Variants in SEL1L2 observed in about 807,000 individuals in gnomAD.
SEL1L2 encodes the protein protein sel-1 homolog 2.
In SEL1L2, 89 loss-of-function variants were observed where a neutral mutation model predicts 98.8. That is an observed-to-expected ratio of 0.90 (90% confidence interval 0.76 to 1.07). The LOEUF (loss-of-function observed/expected upper bound fraction) is 1.07, where lower values mean the gene tolerates loss of function less well. Among genes scored for constraint, SEL1L2 ranks in the 50% least tolerant of loss-of-function variants. The pLI, the probability that SEL1L2 is intolerant of heterozygous loss-of-function variation, is 0.00. For synonymous variants in SEL1L2, 262 were observed against 278.5 expected (o/e 0.94, Z 0.59); for missense variants, 788 against 812.0 (o/e 0.97, Z 0.36).
chr20:13,858,533 T>A (rs1312613385), intron 18 of SEL1L2, among the ~76,000 whole-genome samples: 1 of 152,158 alleles, frequency 6.6e-6, no homozygotes, highest in Non-Finnish European at 1.5e-5. Context: ...AGTGGTTGTG[T>A]GATGTAAATG....
At chr20:13,949,367 T>C (rs561707328) in intron 2 of SEL1L2, among the ~76,000 whole-genome samples, 2 of 152,140 alleles carry the variant, frequency 1.3e-5, no homozygotes, top group East Asian at 3.9e-4. Context: ...ATGGCTACTA[T>C]AAAAACAAAA....
intron 2 of SEL1L2, among the ~76,000 whole-genome samples, chr20:13,941,142 A>G (rs1229644326): frequency 1.3e-5 from 2 of 152,160 alleles, no homozygotes; most frequent in African/African-American, 4.8e-5. Context: ...GCCTTGAGAA[A>G]ACAGGACCTT....
intron 14 of SEL1L2, among the ~76,000 whole-genome samples, chr20:13,868,758 C>T (rs2046043042): frequency 6.6e-6 from 1 of 152,188 alleles, no homozygotes; most frequent in South Asian, 2.1e-4. Flanking sequence ...CAGGCAGCCG[C>T]CACCATGCCA....
intron 18 of SEL1L2, among the ~76,000 whole-genome samples, chr20:13,852,692 GTTT>G (rs1333117295): frequency 1.3e-5 from 2 of 152,168 alleles, no homozygotes; most frequent in Non-Finnish European, 2.9e-5. Flanking sequence ...AAAAGAACAT[GTTT>G]TTAACTAAAA....
intron 2 of SEL1L2, among the ~76,000 whole-genome samples, chr20:13,936,393 T>G (rs563383758): frequency 1.3e-5 from 2 of 152,308 alleles, no homozygotes; most frequent in Admixed American, 1.3e-4. Context: ...GATGTAGGCA[T>G]AGTTCAATGA....
chr20:13,978,132 C>T (rs1019580679), intron 1 of SEL1L2, among the ~76,000 whole-genome samples: 1 of 152,138 alleles, frequency 6.6e-6, no homozygotes, highest in Admixed American at 6.6e-5. Context: ...CTCAAAACAG[C>T]ATGATACGGG....
intron 2 of SEL1L2, among the ~76,000 whole-genome samples, chr20:13,949,702 C>CAAA (rs1399140632): frequency 8.0e-6 from 1 of 124,492 alleles, no homozygotes; most frequent in Non-Finnish European, 1.7e-5. Flanking sequence ...AAAAACCAAA[C>CAAA]AAACAAAAAA....
At chr20:13,898,432 C>T (rs141290478) in intron 5 of SEL1L2, among the ~76,000 whole-genome samples, 24 of 152,256 alleles carry the variant, frequency 1.6e-4, no homozygotes, top group African/African-American at 2.4e-4. Flanking sequence ...AGTGAGTCTC[C>T]GGCTCTCTTT....
chr20:13,873,024 T>A (rs1279230535), intron 12 of SEL1L2, among the ~76,000 whole-genome samples: 2 of 151,232 alleles, frequency 1.3e-5, no homozygotes, highest in African/African-American at 4.9e-5. Flanking sequence ...AGACTCTTGC[T>A]CTATCACCCA....
At chr20:13,957,597 C>G (rs1348599814) in intron 1 of SEL1L2, among the ~76,000 whole-genome samples, 1 of 152,168 alleles carries the variant, frequency 6.6e-6, no homozygotes, top group South Asian at 2.1e-4. Context: ...AAAAATTAGG[C>G]TGGGTATGGC....
chr20:13,932,589 G>T (rs2049201378), intron 2 of SEL1L2, among the ~76,000 whole-genome samples: 1 of 151,906 alleles, frequency 6.6e-6, no homozygotes, highest in Non-Finnish European at 1.5e-5. Context: ...ATGCCACCGT[G>T]CCTAGCTAAT....
At chr20:13,866,889 T>A (rs1447220069) in intron 14 of SEL1L2, 39 bp from the exon 15 acceptor site, 1 of 1,546,220 alleles carries the variant, frequency 6.5e-7, no homozygotes. Flanking sequence ...CCTTATTGAC[T>A]TTATTTTTTA....
At chr20:13,857,633 A>G (rs1989372836) in intron 18 of SEL1L2, among the ~76,000 whole-genome samples, 1 of 152,262 alleles carries the variant, frequency 6.6e-6, no homozygotes, top group South Asian at 2.1e-4. Flanking sequence ...GGTGGTGCCA[A>G]GGATAGGAAA....
chr20:13,876,978 C>A (rs1371916461), intron 11 of SEL1L2, among the ~76,000 whole-genome samples: 7 of 152,134 alleles, frequency 4.6e-5, no homozygotes, highest in Non-Finnish European at 1.0e-4. Context: ...CACCCGCCAC[C>A]ACACCTAGCT....
At chr20:13,973,118 T>C (rs368564180) in intron 1 of SEL1L2, among the ~76,000 whole-genome samples, 1 of 152,334 alleles carries the variant, frequency 6.6e-6, no homozygotes, top group African/African-American at 2.4e-5. Flanking sequence ...AGTTTGATCT[T>C]GAGCACCCAG....
intron 11 of SEL1L2, among the ~76,000 whole-genome samples, chr20:13,876,885 G>T (rs1454449084): frequency 6.6e-6 from 1 of 151,986 alleles, no homozygotes; most frequent in East Asian, 1.9e-4. Flanking sequence ...GAGCAGTGGC[G>T]TGATCTCAGC....
intron 19 of SEL1L2, 198 bp downstream of exon 19, chr20:13,849,993 G>T: frequency 1.7e-6 from 1 of 599,946 alleles, no homozygotes. Context: ...TGAATTAATT[G>T]CTTATACTCT....
intron 5 of SEL1L2, among the ~76,000 whole-genome samples, chr20:13,902,147 T>A (rs1334602627): frequency 6.6e-6 from 1 of 152,118 alleles, no homozygotes; most frequent in African/African-American, 2.4e-5. Flanking sequence ...GAAAGCTGCT[T>A]CCACCTCATC....
chr20:13,861,443 C>A (rs1990120962), intron 17 of SEL1L2, among the ~76,000 whole-genome samples: 2 of 151,590 alleles, frequency 1.3e-5, no homozygotes, highest in Admixed American at 1.3e-4. Flanking sequence ...ACCCAGCCAG[C>A]ATGATATATA....
Sources: allele counts gnomAD v4.1 joint callset (sites outside exome capture counted in the v4.1 genomes callset), GRCh38; gene constraint gnomAD v4.1.1; transcripts MANE v1.5; gene names NCBI Gene and HGNC (gene_info 2026-07-23, HGNC 2026-07-21).